TRPM7: variants seen among roughly 807,000 people sequenced by gnomAD.
TRPM7 encodes LTRPC ion channel family member 7.
A neutral mutation model predicts 229.7 loss-of-function variants in TRPM7; 134 were observed. That is an observed-to-expected ratio of 0.58 (90% CI 0.51 to 0.67). TRPM7 has a LOEUF of 0.67. Among genes scored for constraint, TRPM7 ranks in the 30% least tolerant of loss-of-function variants. The probability of loss-of-function intolerance (pLI) is 0.00; values close to 1 mark genes in which losing one functional copy is unlikely to be tolerated. For missense variants in TRPM7, 1,901 were observed against 2,210.0 expected (o/e 0.86, Z 2.80); for synonymous variants, 699 against 715.2 (o/e 0.98, Z 0.36).
rs1472820614 is a variant in TRPM7 at position 50,663,042 on chromosome 15, T to C, written c.8A>G (p.Gln3Arg). The part of the protein sequence containing the change: MS[Q>R]KSWIESTLTK... ...CAAAGTGCTTTCTATCCAGGATTTC[T>C]GGGACTAAAACAAAATGTTTTAAAG... Residue 3 changes from glutamine to arginine, a missense_variant, in exon 2 of 39, where the codon CAG (glutamine) becomes CGG (arginine). Transcript: ENST00000646667. 4 of 1,612,318 alleles carry C rather than the reference T, an allele frequency of 2.5e-6. No individual in the cohort carries two copies. Among genetic ancestry groups the C allele is most frequent in the Non-Finnish European group, 3.4e-6 (4 of 1,178,820 alleles).
chr15:50,675,980 T>C (rs752643693), intron 1 of TRPM7, among the ~76,000 whole-genome samples: 1 of 152,170 alleles, frequency 6.6e-6, no homozygotes, highest in Non-Finnish European at 1.5e-5. Context: ...ACCTGTAAAA[T>C]AGGATAACAA....
At chr15:50,577,757 A>G (rs1449270617) in intron 31 of TRPM7, among the ~76,000 whole-genome samples, 2 of 152,232 alleles carry the variant, frequency 1.3e-5, no homozygotes, top group Admixed American at 6.5e-5. Flanking sequence ...AACAACATGA[A>G]CAAGAATGCT....
intron 13 of TRPM7, 103 bp downstream of exon 13, chr15:50,619,642 T>C: frequency 3.1e-6 from 3 of 981,900 alleles, no homozygotes; most frequent in Non-Finnish European, 4.4e-6. Context: ...GTAATTTTAT[T>C]GGTATTTCTA....
chr15:50,648,972 A>C, intron 3 of TRPM7, 87 bp from the exon 4 acceptor site: 1 of 982,062 alleles, frequency 1.0e-6, no homozygotes, highest in Non-Finnish European at 1.4e-6. Flanking sequence ...ACCGACAAAT[A>C]TAAGCTTTAA....
Position 50,613,753 on chromosome 15 carries a change from A to AT in TRPM7, c.1723dup (p.Met575AsnfsTer4), listed in dbSNP as rs2060131525. On this transcript the variant is annotated frameshift_variant, in exon 15 of 39. Transcript: ENST00000646667. LOFTEE classifies it high-confidence loss of function. ...TGTCTTAATGAAATGGTTATGCCTCATTTTTTCCTTTTTATCTGCCCTATT... is the reference window on the plus strand; with the variant it reads ...TGTCTTAATGAAATGGTTATGCCTCATTTTTTTCCTTTTTATCTGCCCTATT... 1.2e-6 allele frequency: 2 copies of AT among 1,613,606 alleles called. No homozygotes were observed. The highest frequency in any genetic ancestry group is 1.3e-5 in the African/African-American group (1 of 74,878).
At chr15:50,625,472 A>C (rs143292337) in intron 11 of TRPM7, among the ~76,000 whole-genome samples, 16 of 152,180 alleles carry the variant, frequency 1.1e-4, no homozygotes, top group African/African-American at 3.1e-4. Context: ...CCAGTGGCAC[A>C]ATCATAGCTC....
chr15:50,637,340 A>T, intron 7 of TRPM7, 82 bp downstream of exon 7: 1 of 1,334,140 alleles, frequency 7.5e-7, no homozygotes, highest in South Asian at 1.4e-5. Flanking sequence ...AGCACTTCAA[A>T]GAACATTCTA....
intron 1 of TRPM7, among the ~76,000 whole-genome samples, chr15:50,685,164 T>C (rs1054143306): frequency 2.4e-4 from 37 of 152,322 alleles, no homozygotes; most frequent in African/African-American, 7.0e-4. Flanking sequence ...CTTTGCAAGT[T>C]TGAAATCTCC....
chr15:50,607,928 G>C (rs1450145981), intron 19 of TRPM7, among the ~76,000 whole-genome samples: 1 of 150,070 alleles, frequency 6.7e-6, no homozygotes, highest in Admixed American at 6.7e-5. Context: ...GGTGGTGCAT[G>C]CCTGCAATTC....
rs1282138430 is a variant in TRPM7 at position 50,560,050 on chromosome 15, T to C, written c.*1628A>G. 1.3e-5 allele frequency: 2 copies of C among 148,460 alleles called. No individual in the cohort carries two copies. The highest frequency in any genetic ancestry group is 2.1e-4 in the South Asian group (1 of 4,704). 9.2% of individuals were successfully genotyped at this position (148,460 alleles called of 1,614,324 possible). A position where few individuals can be genotyped will look rare whatever the true frequency, so the allele number is the denominator to read the frequency against. ...AAAAAAAAAAGTATAGCTACTATTA[T>C]AATCCTGTGAAAATAATCAATATAA... On this transcript the variant is annotated 3_prime_UTR_variant, in exon 39 of 39. Transcript: ENST00000646667.
At chr15:50,660,579 C>T (rs1567104003) in intron 2 of TRPM7, among the ~76,000 whole-genome samples, 1 of 152,106 alleles carries the variant, frequency 6.6e-6, no homozygotes. Context: ...CGCTTGAACC[C>T]GGAAGGCAGA....
rs2059559793 is a variant in TRPM7, at chr15:50,593,605, G to A, written c.3608+12C>T. On this transcript the variant is annotated intron_variant, in intron 25 of 38. Transcript: ENST00000646667. Reference sequence around the variant, plus strand: ...TGACATATAACCGATTTTAACTAAAGGGCTTCTGAACCTTTCAAAAGTGAC... The same window carrying A: ...TGACATATAACCGATTTTAACTAAAAGGCTTCTGAACCTTTCAAAAGTGAC... 1.2e-6 allele frequency: 2 copies of A among 1,605,138 alleles called. No homozygotes were observed. Among genetic ancestry groups the A allele is most frequent in the Non-Finnish European group, 1.7e-6 (2 of 1,177,950 alleles).
At chr15:50,570,490 C>G (rs2053823796) in intron 36 of TRPM7, among the ~76,000 whole-genome samples, 1 of 152,054 alleles carries the variant, frequency 6.6e-6, no homozygotes, top group Non-Finnish European at 1.5e-5. Context: ...GCCCTTGTTT[C>G]ATCTTAGTTA....
chr15:50,678,257 A>C (rs987869790), intron 1 of TRPM7, among the ~76,000 whole-genome samples: 9 of 133,482 alleles, frequency 6.7e-5, no homozygotes, highest in African/African-American at 2.3e-4. Flanking sequence ...AAAAACAAAA[A>C]CAAAAACAAA....
Position 50,560,126 on chromosome 15 carries a change from A to C in TRPM7, c.*1552T>G, listed in dbSNP as rs1011734173. 2 of 152,154 alleles carry C rather than the reference A, an allele frequency of 1.3e-5. No individual in the cohort carries two copies. The highest frequency in any genetic ancestry group is 4.8e-5 in the African/African-American group (2 of 41,426). 9.4% of individuals were successfully genotyped at this position (152,154 alleles called of 1,614,324 possible). A position where few individuals can be genotyped will look rare whatever the true frequency, so the allele number is the denominator to read the frequency against. Reference sequence around the variant, plus strand: ...ATTGCCCTTTTTTGGCCTAACAAAAAACAGATTTCTAAGAAGACAGTAAGA... The same window carrying C: ...ATTGCCCTTTTTTGGCCTAACAAAACACAGATTTCTAAGAAGACAGTAAGA... On this transcript the variant is annotated 3_prime_UTR_variant, in exon 39 of 39. Transcript: ENST00000646667.
At position 50,599,215 on chromosome 15, in the gene TRPM7, G is replaced by A. The variant is rs2140402499; in HGVS notation, c.3070C>T (p.Pro1024Ser). Residue 1024 changes from proline (P) to serine (S), a missense_variant, in exon 22 of 39, where the codon CCT (proline) becomes TCT (serine). This residue lies in a region of TRPM7 where 89 missense variants were observed against 178.2 expected (regional missense o/e 0.50). Coordinates refer to ENST00000646667, the MANE Select transcript of TRPM7 (RefSeq NM_017672.6). ...AGAGTCCAAGATGGTGCTTCATGAGGATAAAGTATTGCCTTTCTGGGAACA... is the reference window on the plus strand; with the variant it reads ...AGAGTCCAAGATGGTGCTTCATGAGAATAAAGTATTGCCTTTCTGGGAACA... Reference protein sequence around the residue: ...FGVPRKAILYPHEAPSWTLAK... With the variant: ...FGVPRKAILYSHEAPSWTLAK... 1 of 1,612,830 alleles carries A rather than the reference G, an allele frequency of 6.2e-7. No homozygotes were observed. Among genetic ancestry groups the A allele is most frequent in the Non-Finnish European group, 8.5e-7 (1 of 1,179,046 alleles).
Position 50,596,331 on chromosome 15 carries a change from A to T in TRPM7, c.3214T>A (p.Leu1072Met). 6.2e-7 allele frequency: 1 copy of T among 1,610,674 alleles called. No homozygotes were observed. The highest frequency in any genetic ancestry group is 8.5e-7 in the Non-Finnish European group (1 of 1,178,838). Residue 1072 changes from leucine (L) to methionine (M), a missense_variant, in exon 23 of 39, where the codon TTG becomes ATG. Leu to Met is a conservative substitution (Grantham distance 15). Coordinates refer to ENST00000646667, the MANE Select transcript of TRPM7 (RefSeq NM_017672.6). ...IPQICGPGTW[L>M]TPFLQAVYLF... ...TAGACTGCTTGAAGAAATGGAGTCA[A>T]CCACGTCCCAGGACCACAGATTTGA...
intron 14 of TRPM7, 125 bp downstream of exon 14, chr15:50,613,998 T>G: frequency 1.5e-6 from 2 of 1,341,016 alleles, no homozygotes; most frequent in Non-Finnish European, 2.0e-6. Flanking sequence ...CTAATTGCTC[T>G]TAGTTGAAAA....
chr15:50,643,240 G>A (rs960833415), intron 5 of TRPM7, 100 bp downstream of exon 5: 41 of 960,364 alleles, frequency 4.3e-5, no homozygotes, highest in Non-Finnish European at 6.5e-5. Flanking sequence ...AGTGAGCCGA[G>A]ATTGTGCCAT....
Sources: allele counts gnomAD v4.1 joint callset (sites outside exome capture counted in the v4.1 genomes callset), GRCh38; gene constraint gnomAD v4.1.1; regional missense constraint gnomAD v4.1.1; transcripts MANE v1.5; gene names NCBI Gene and HGNC (gene_info 2026-07-23, HGNC 2026-07-21).